ADAM18: variants seen among roughly 807,000 people sequenced by gnomAD.
The protein encoded by ADAM18 is ADAM metallopeptidase domain 18, also known as disintegrin and metalloproteinase domain-containing protein 18.
Under a neutral mutation model 94.4 loss-of-function variants are expected in ADAM18, and 117 were observed. The observed-to-expected ratio is 1.24, with a 90% CI of 1.07 to 1.45. ADAM18 has a LOEUF of 1.45. Among genes scored for constraint, ADAM18 ranks in the 40% most tolerant of loss-of-function variants. ADAM18 has a pLI of 0.00. For synonymous variants in ADAM18, 327 were observed against 291.6 expected (o/e 1.12, Z -1.24); for missense variants, 936 against 880.0 (o/e 1.06, Z -0.81).
In ADAM18 at chr8:39,584,653, C is replaced by G. The variant is rs1452472466; in HGVS notation, c.31C>G (p.Leu11Val). The G allele has an allele frequency of 6.2e-7, 1 of 1,613,320 alleles. No homozygotes were observed. The highest frequency in any genetic ancestry group is 8.5e-7 in the Non-Finnish European group (1 of 1,180,046). MFLLLALLTE[L>V]GRLQAHEGSE... ...CCTTCTCCTCGCCCTCCTCACTGAG[C>G]TTGGAAGACTGCAAGCCCACGAAGG... The change falls in exon 1 of 20, where the codon CTT (leucine) becomes GTT (valine). Residue 11 changes from leucine (L) to valine (V), a missense_variant. Coordinates refer to ENST00000265707, the MANE Select transcript of ADAM18 (RefSeq NM_014237.3).
At position 39,664,705 on chromosome 8, in the gene ADAM18, A is replaced by G. The variant is rs1197424892; in HGVS notation, c.1326+815A>G. Among the ~76,000 whole-genome samples the G allele has an allele frequency of 2.6e-5, 4 of 152,172 alleles. No individual in the cohort carries two copies. The South Asian group carries it at 8.3e-4, about 32-fold the overall frequency. ...ACTCTCATTGATAACTGAAATGCAA[A>G]TCATACACATACAATTGAAATGAAC... On this transcript the variant is annotated intron_variant, in intron 13 of 19. Transcript: ENST00000265707.
intron 3 of ADAM18, among the ~76,000 whole-genome samples, chr8:39,606,578 A>G (rs1585890592): frequency 6.6e-6 from 1 of 152,302 alleles, no homozygotes; most frequent in African/African-American, 2.4e-5. Flanking sequence ...TCAAATTATG[A>G]AATAAACTAC....
chr8:39,683,278 T>G (rs1403458590), intron 16 of ADAM18, among the ~76,000 whole-genome samples: 1 of 152,170 alleles, frequency 6.6e-6, no homozygotes, highest in African/African-American at 2.4e-5. Flanking sequence ...TGGAAGCATA[T>G]TCATTTTAGT....
At chr8:39,654,577 G>A (rs1237045582) in intron 12 of ADAM18, among the ~76,000 whole-genome samples, 2 of 152,106 alleles carry the variant, frequency 1.3e-5, no homozygotes, top group Admixed American at 1.3e-4. Flanking sequence ...GGGATTGCTG[G>A]ATCCTGTGGT....
chr8:39,707,972 G>C (rs141860792), intron 18 of ADAM18, among the ~76,000 whole-genome samples: 1 of 152,084 alleles, frequency 6.6e-6, no homozygotes, highest in South Asian at 2.1e-4. Context: ...CTGTAACGGC[G>C]TAACAGTCAA....
intron 13 of ADAM18, 48 bp downstream of exon 13, chr8:39,663,938 C>T (rs777361558): frequency 1.0e-5 from 13 of 1,246,614 alleles, no homozygotes; most frequent in East Asian, 4.7e-5. Flanking sequence ...TGGTAAGAGA[C>T]GTCTGTATTA....
intron 17 of ADAM18, among the ~76,000 whole-genome samples, chr8:39,693,232 G>A (rs1206979936): frequency 1.4e-4 from 21 of 151,356 alleles, no homozygotes; most frequent in Admixed American, 1.4e-3. Context: ...AAGAAAATCA[G>A]TGTGTGATAT....
chr8:39,692,579 T>G (rs1821812102), intron 16 of ADAM18, 21 bp from the exon 17 acceptor site: 1 of 1,501,048 alleles, frequency 6.7e-7, no homozygotes, highest in African/African-American at 1.4e-5. Flanking sequence ...AATTGTAAAA[T>G]TTTTGTTTGT....
chr8:39,706,560 T>C (rs1279175335), intron 17 of ADAM18, among the ~76,000 whole-genome samples: 1 of 152,150 alleles, frequency 6.6e-6, no homozygotes, highest in African/African-American at 2.4e-5. Flanking sequence ...TAATGCTCAA[T>C]GTATAGAGGC....
At chr8:39,612,822 C>G (rs1319454349) in intron 6 of ADAM18, among the ~76,000 whole-genome samples, 1 of 151,952 alleles carries the variant, frequency 6.6e-6, no homozygotes, top group Non-Finnish European at 1.5e-5. Context: ...CAGACCCTGC[C>G]TAACCATTGG....
chr8:39,702,598 A>C (rs917444691), intron 17 of ADAM18, among the ~76,000 whole-genome samples: 2 of 152,074 alleles, frequency 1.3e-5, no homozygotes, highest in Non-Finnish European at 2.9e-5. Flanking sequence ...GTCTTATTCC[A>C]AGGTTTTTGT....
rs368779006 is a variant in ADAM18, at chr8:39,680,142, A to G, written c.1737A>G (p.Val579=). 9 of 1,613,770 alleles carry G rather than the reference A, an allele frequency of 5.6e-6. No individual in the cohort carries two copies. The highest frequency in any genetic ancestry group is 1.6e-4 in the Middle Eastern group (1 of 6,084). ...VYSYIQDHVC[V]SIATGSSMRS... ...CATATATTCAAGACCATGTATGTGT[A>G]TCTATAGCCACTGGTTCCTCCATGA... The change falls in exon 16 of 20, where the codon GTA becomes GTG. Residue 579 remains valine (V), a synonymous_variant. Coordinates refer to ENST00000265707, the MANE Select transcript of ADAM18 (RefSeq NM_014237.3).
chr8:39,610,433 A>AAAATGT, intron 5 of ADAM18, 96 bp from the exon 6 acceptor site: 1 of 1,365,566 alleles, frequency 7.3e-7, no homozygotes, highest in Non-Finnish European at 9.7e-7. Flanking sequence ...TCTTTAGTAT[A>AAAATGT]GTTTTTTAAT....
At chr8:39,623,111 G>A (rs1050728266) in intron 6 of ADAM18, among the ~76,000 whole-genome samples, 1 of 152,086 alleles carries the variant, frequency 6.6e-6, no homozygotes, top group African/African-American at 2.4e-5. Context: ...AGAACATATA[G>A]TATCTGTTTT....
intron 14 of ADAM18, among the ~76,000 whole-genome samples, chr8:39,671,318 A>G (rs187547519): frequency 6.6e-6 from 1 of 152,206 alleles, no homozygotes; most frequent in East Asian, 1.9e-4. Flanking sequence ...ATTGAAATTA[A>G]TGGGGCAAAT....
chr8:39,672,006 A>G (rs561946722), intron 14 of ADAM18, among the ~76,000 whole-genome samples: 3 of 152,252 alleles, frequency 2.0e-5, no homozygotes, highest in South Asian at 2.1e-4. Flanking sequence ...AGCATTTAAC[A>G]TACTGGCATG....
chr8:39,667,573 A>C (rs977582033), intron 13 of ADAM18, among the ~76,000 whole-genome samples: 1 of 152,194 alleles, frequency 6.6e-6, no homozygotes, highest in Non-Finnish European at 1.5e-5. Context: ...AAACAGATAG[A>C]TTGTGTTTCT....
At chr8:39,681,392 A>T (rs950053658) in intron 16 of ADAM18, among the ~76,000 whole-genome samples, 1 of 152,216 alleles carries the variant, frequency 6.6e-6, no homozygotes, top group Non-Finnish European at 1.5e-5. Flanking sequence ...CAGATAACAG[A>T]TAACACCTTG....
At chr8:39,722,550 G>A (rs547063555) in intron 18 of ADAM18, among the ~76,000 whole-genome samples, 5 of 150,960 alleles carry the variant, frequency 3.3e-5, no homozygotes, top group African/African-American at 1.2e-4. Flanking sequence ...GAGATATGAA[G>A]GGTGAAAAAT....
Sources: allele counts gnomAD v4.1 joint callset (sites outside exome capture counted in the v4.1 genomes callset), GRCh38; gene constraint gnomAD v4.1.1; transcripts MANE v1.5; gene names NCBI Gene and HGNC (gene_info 2026-07-23, HGNC 2026-07-21).